The following OR10A2 variants were observed in gnomAD, a reference collection of about 807,000 sequenced individuals.
OR10A2 encodes the protein olfactory receptor 10A2.
A neutral mutation model predicts 13.7 loss-of-function variants in OR10A2; 15 were observed. That is an observed-to-expected ratio of 1.10 (90% confidence interval 0.73 to 1.69). The LOEUF is 1.69. Ranked by LOEUF, OR10A2 falls within the 40% of genes most tolerant of loss-of-function variation. The probability of loss-of-function intolerance (pLI) is 0.00; values close to 1 mark genes in which losing one functional copy is unlikely to be tolerated. For missense variants in OR10A2, 343 were observed against 361.1 expected (o/e 0.95, Z 0.41); for synonymous variants, 145 against 144.7 (o/e 1.00, Z -0.02).
Position 6,870,397 on chromosome 11 carries a change from A to G in OR10A2, c.643A>G (p.Ile215Val). 2 of 1,614,094 alleles carry G rather than the reference A, an allele frequency of 1.2e-6. No individual in the cohort carries two copies. The highest frequency in any genetic ancestry group is 1.7e-6 in the Non-Finnish European group (2 of 1,180,018). ...TCACATTGCTGCTGCCATCCTCAAG[A>G]TCCCATCAGCTAAAGGGAAGAATAA... ...YTHIAAAILKIPSAKGKNKAF... is the reference protein window; with the variant it reads ...YTHIAAAILKVPSAKGKNKAF... Residue 215 changes from isoleucine (I) to valine (V), a missense_variant, in exon 2 of 2, where the codon ATC becomes GTC. Ile to Val is a conservative substitution (Grantham distance 29, BLOSUM62 3). Transcript: ENST00000641461.
chr11:6,863,340 T>G lies in OR10A2; in HGVS notation c.-144T>G, dbSNP rs1246934421. On this transcript the variant is annotated 5_prime_UTR_variant, in exon 1 of 2. Coordinates refer to ENST00000641461, the MANE Select transcript of OR10A2 (RefSeq NM_001004460.2). Reference sequence around the variant, plus strand: ...CAGAGTTGAACAAGGCAGATGTTCCTGTTGGACACAGGTAAGCCTTTTTTT... The same window carrying G: ...CAGAGTTGAACAAGGCAGATGTTCCGGTTGGACACAGGTAAGCCTTTTTTT... 1 of 150,406 alleles carries G rather than the reference T, an allele frequency of 6.6e-6. No homozygotes were observed. The highest frequency in any genetic ancestry group is 2.4e-5 in the African/African-American group (1 of 40,820). The allele number at this position is 150,406 out of a possible 1,614,324, so 9.3% of individuals were successfully genotyped here.
chr11:6,864,828 T>C lies in OR10A2; in HGVS notation c.-133+1477T>C, dbSNP rs569971215. Among the ~76,000 whole-genome samples the C allele has an allele frequency of 3.8e-4, 57 of 151,760 alleles. 1 individual carries two copies. The highest frequency in any genetic ancestry group is 6.9e-4 in the Non-Finnish European group (47 of 67,926). The stretch of plus-strand genomic sequence containing the variant: ...GTAGCTTAAGTTCATTTCATATGGC[T>C]TGTTGAAAACCCCAATTTTTTAATT... On this transcript the variant is annotated intron_variant, in intron 1 of 1. Coordinates refer to ENST00000641461, the MANE Select transcript of OR10A2 (RefSeq NM_001004460.2).
In OR10A2 at chr11:6,869,629, C is replaced by G; in HGVS notation, c.-126C>G. ...TTGCCTCTTTCCCTGACAGTAAGAA[C>G]GAGTCTGAAAAACAAATTGAGAATC... On this transcript the variant is annotated 5_prime_UTR_variant, in exon 2 of 2. Coordinates refer to ENST00000641461, the MANE Select transcript of OR10A2 (RefSeq NM_001004460.2). 1.1e-6 allele frequency: 1 copy of G among 871,858 alleles called. No individual in the cohort carries two copies. Among genetic ancestry groups the G allele is most frequent in the South Asian group, 1.6e-5 (1 of 63,044 alleles). 54.0% of individuals were successfully genotyped at this position (871,858 alleles called of 1,614,324 possible).
chr11:6,870,527 A>T lies in OR10A2; in HGVS notation c.773A>T (p.Lys258Met), dbSNP rs7926083. ...AAATCAAATAATTCACCTGAGGGCAAGAAGCTGCTATCATTGTCCTACACT... is the reference window on the plus strand; with the variant it reads ...AAATCAAATAATTCACCTGAGGGCATGAAGCTGCTATCATTGTCCTACACT... ...RPKSNNSPEG[K>M]KLLSLSYTVM... Residue 258 changes from lysine to methionine, a missense_variant, in exon 2 of 2, where the codon AAG becomes ATG. Lys to Met is a moderately conservative substitution (Grantham distance 95, BLOSUM62 -1). Transcript: ENST00000641461. The T allele has an allele frequency of 2.9e-5, 46 of 1,613,860 alleles. No individual in the cohort carries two copies. In the Admixed American group the frequency reaches 3.0e-4, roughly 11 times the overall value.
Position 6,870,346 on chromosome 11 carries a change from T to C in OR10A2, c.592T>C (p.Cys198Arg). ...VGTILVVMIP[C>R]LLILCSYTHI... is the part of the protein sequence containing the mutation. ...AACCATTCTGGTGGTCATGATCCCC[T>C]GCTTGCTGATCTTGTGTTCCTATAC... Residue 198 changes from cysteine to arginine, a missense_variant, in exon 2 of 2, where the codon TGC becomes CGC. Transcript: ENST00000641461. 1.2e-6 allele frequency: 2 copies of C among 1,614,206 alleles called. No individual in the cohort carries two copies. The highest frequency in any genetic ancestry group is 2.2e-5 in the East Asian group (1 of 44,870).
intron 1 of OR10A2, among the ~76,000 whole-genome samples, chr11:6,864,712 A>C (rs1281696057): frequency 6.6e-6 from 1 of 152,056 alleles, no homozygotes; most frequent in Non-Finnish European, 1.5e-5. Flanking sequence ...AGGCAAGCAA[A>C]AAGAACTCTG....
chr11:6,869,882 A>G lies in OR10A2; in HGVS notation c.128A>G (p.His43Arg), dbSNP rs3930075. ...GTTACCCTAGCTGACCCCATGCTAC[A>G]CAGCCCCATGTACTTCTTCCTCAGA... ...ILVTLADPML[H>R]SPMYFFLRNL... Residue 43 changes from histidine (H) to arginine (R), a missense_variant, in exon 2 of 2, where the codon CAC becomes CGC. Coordinates refer to ENST00000641461, the MANE Select transcript of OR10A2 (RefSeq NM_001004460.2). 594,630 of 1,613,426 alleles carry G rather than the reference A, an allele frequency of 0.37. 111,455 individuals carry two copies. The highest frequency in any genetic ancestry group is 0.4 in the South Asian group (36,264 of 91,068).
In OR10A2 at chr11:6,870,550, AC is replaced by A. The variant is rs1848422685; in HGVS notation, c.797del (p.Thr266MetfsTer3). 6.2e-7 allele frequency: 1 copy of A among 1,614,100 alleles called. No homozygotes were observed. Among genetic ancestry groups the A allele is most frequent in the East Asian group, 2.2e-5 (1 of 44,892 alleles). On this transcript the variant is annotated frameshift_variant, in exon 2 of 2. Transcript: ENST00000641461. LOFTEE classifies it high-confidence loss of function. ...EGKKLLSLSY[T>X]VMTPMLNPII... is the part of the protein sequence containing the mutation. ...CAAGAAGCTGCTATCATTGTCCTAC[AC>A]TGTTATGACTCCCATGTTGAACCCC...
Position 6,874,315 on chromosome 11 carries a change from T to C in OR10A2, c.*3649T>C, listed in dbSNP as rs1848464631. On this transcript the variant is annotated 3_prime_UTR_variant, in exon 2 of 2. Transcript: ENST00000641461. Reference sequence around the variant, plus strand: ...TGGGGTAAAAAAATGAATAACACAATTTCTATTTCAAGGAGCATGTCATCT... The same window carrying C: ...TGGGGTAAAAAAATGAATAACACAACTTCTATTTCAAGGAGCATGTCATCT... The C allele has an allele frequency of 6.6e-6, 1 of 152,212 alleles. No homozygotes were observed. Among genetic ancestry groups the C allele is most frequent in the African/African-American group, 2.4e-5 (1 of 41,454 alleles). 9.4% of individuals were successfully genotyped at this position (152,212 alleles called of 1,614,324 possible).
chr11:6,868,741 T>C (rs572105421), intron 1 of OR10A2, among the ~76,000 whole-genome samples: 14 of 152,304 alleles, frequency 9.2e-5, no homozygotes, highest in African/African-American at 3.4e-4. Context: ...AGCCTCTCAA[T>C]TTCATTTTCC....
rs1303284485 is a variant in OR10A2, at chr11:6,870,384, T to G, written c.630T>G (p.Ala210=). The change falls in exon 2 of 2, where the codon GCT becomes GCG. Residue 210 remains alanine, a synonymous_variant. Coordinates refer to ENST00000641461, the MANE Select transcript of OR10A2 (RefSeq NM_001004460.2). The part of the protein sequence containing the change: ...LILCSYTHIA[A]AILKIPSAKG... Reference sequence around the variant, plus strand: ...TGTGTTCCTATACTCACATTGCTGCTGCCATCCTCAAGATCCCATCAGCTA... The same window carrying G: ...TGTGTTCCTATACTCACATTGCTGCGGCCATCCTCAAGATCCCATCAGCTA... 3 of 1,614,222 alleles carry G rather than the reference T, an allele frequency of 1.9e-6. No individual in the cohort carries two copies. Among genetic ancestry groups the G allele is most frequent in the Non-Finnish European group, 1.7e-6 (2 of 1,180,044 alleles).
Position 6,869,641 on chromosome 11 carries a change from A to C in OR10A2, c.-114A>C. 1 of 982,122 alleles carries C rather than the reference A, an allele frequency of 1.0e-6. No homozygotes were observed. Among genetic ancestry groups the C allele is most frequent in the East Asian group, 2.4e-5 (1 of 41,836 alleles). 60.8% of individuals were successfully genotyped at this position (982,122 alleles called of 1,614,324 possible). The stretch of plus-strand genomic sequence containing the variant: ...CTGACAGTAAGAACGAGTCTGAAAA[A>C]CAAATTGAGAATCTGACTTCCAATC... On this transcript the variant is annotated 5_prime_UTR_variant, in exon 2 of 2. Coordinates refer to ENST00000641461, the MANE Select transcript of OR10A2 (RefSeq NM_001004460.2).
In OR10A2 at chr11:6,869,803, A is replaced by T; in HGVS notation, c.49A>T (p.Thr17Ser). The T allele has an allele frequency of 6.2e-7, 1 of 1,614,132 alleles. No homozygotes were observed. The change falls in exon 2 of 2, where the codon ACA (threonine) becomes TCA (serine). Residue 17 changes from threonine to serine, a missense_variant. Transcript: ENST00000641461. ...PTEIQSLLFL[T>S]FLTIYLVTLM... is the part of the protein sequence containing the mutation. ...TGAAATACAGTCATTACTCTTTCTG[A>T]CATTTCTAACCATCTACCTGGTCAC...
Position 6,870,883 on chromosome 11 carries a change from G to T in OR10A2, c.*217G>T. The T allele has an allele frequency of 7.8e-6, 3 of 384,660 alleles. No homozygotes were observed. The highest frequency in any genetic ancestry group is 9.3e-6 in the Non-Finnish European group (2 of 214,602). The allele number at this position is 384,660 out of a possible 1,614,324, so 23.8% of individuals were successfully genotyped here. ...TGCCTGCCCATTGTAGACTTACATT[G>T]TTTTCCTTGTTTCAACTGGTATGAC... On this transcript the variant is annotated 3_prime_UTR_variant, in exon 2 of 2. Transcript: ENST00000641461.
At position 6,870,310 on chromosome 11, in the gene OR10A2, G is replaced by A. The variant is rs149349389; in HGVS notation, c.556G>A (p.Ala186Thr). The A allele has an allele frequency of 5.0e-6, 8 of 1,613,726 alleles. No individual in the cohort carries two copies. The highest frequency in any genetic ancestry group is 4.5e-5 in the East Asian group (2 of 44,856). Residue 186 changes from alanine to threonine, a missense_variant, in exon 2 of 2, where the codon GCC becomes ACC. Transcript: ENST00000641461. ...AGACACAGCACTCTTTGAGATCTAC[G>A]CCATCGTCGGAACCATTCTGGTGGT... is the stretch of plus-strand genomic sequence containing the variant. ...CADTALFEIY[A>T]IVGTILVVMI...
chr11:6,867,773 T>C (rs1480651236), intron 1 of OR10A2, among the ~76,000 whole-genome samples: 1 of 151,722 alleles, frequency 6.6e-6, no homozygotes, highest in Non-Finnish European at 1.5e-5. Context: ...TTGTTGAGAC[T>C]GAGTCTCACT....
At chr11:6,864,840 C>G (rs1848367179) in intron 1 of OR10A2, among the ~76,000 whole-genome samples, 1 of 151,002 alleles carries the variant, frequency 6.6e-6, no homozygotes, top group Admixed American at 6.6e-5. Flanking sequence ...GTTGAAAACC[C>G]CAATTTTTTA....
At position 6,873,479 on chromosome 11, in the gene OR10A2, A is replaced by G. The variant is rs944385636; in HGVS notation, c.*2813A>G. The G allele has an allele frequency of 3.9e-5, 6 of 152,278 alleles. No homozygotes were observed. 9.4% of individuals were successfully genotyped at this position (152,278 alleles called of 1,614,324 possible). On this transcript the variant is annotated 3_prime_UTR_variant, in exon 2 of 2. Transcript: ENST00000641461. ...AGAATTTGAAGTAAAGCAAACAAGA[A>G]TAACCCAAAACCTAAAGAAAAAGTT...
In OR10A2 at chr11:6,869,977, C is replaced by A; in HGVS notation, c.223C>A (p.Gln75Lys). 2 of 1,614,174 alleles carry A rather than the reference C, an allele frequency of 1.2e-6. No homozygotes were observed. Among genetic ancestry groups the A allele is most frequent in the Non-Finnish European group, 1.7e-6 (2 of 1,180,020 alleles). ...CAAAATGCTGGGGACCCTGCTTGCC[C>A]AGGACACAACCATCTCCTTCCTTGG... is the stretch of plus-strand genomic sequence containing the variant. ...VPKMLGTLLAQDTTISFLGCA... is the reference protein window; with the variant it reads ...VPKMLGTLLAKDTTISFLGCA... Residue 75 changes from glutamine (Q) to lysine (K), a missense_variant, in exon 2 of 2, where the codon CAG becomes AAG. Gln to Lys is a moderately conservative substitution (Grantham distance 53). Coordinates refer to ENST00000641461, the MANE Select transcript of OR10A2 (RefSeq NM_001004460.2).
Sources: allele counts gnomAD v4.1 joint callset (sites outside exome capture counted in the v4.1 genomes callset), GRCh38; gene constraint gnomAD v4.1.1; transcripts MANE v1.5; gene names NCBI Gene and HGNC (gene_info 2026-07-23, HGNC 2026-07-21).